TCF4: variants seen among roughly 807,000 people sequenced by gnomAD.
TCF4 encodes transcription factor 4.
In TCF4, 3 loss-of-function variants were observed where a neutral mutation model predicts 82.1. The observed-to-expected ratio is 0.04, with a 90% confidence interval of 0.02 to 0.09. The LOEUF is 0.09. Ranked by LOEUF, TCF4 falls within the 10% of genes least tolerant of loss-of-function variation. The probability of loss-of-function intolerance (pLI) is 1.00; values close to 1 mark genes in which losing one functional copy is unlikely to be tolerated. For synonymous variants in TCF4, 276 were observed against 309.6 expected, an observed-to-expected ratio of 0.89 and a Z score of 1.14; for missense variants, 518 against 852.7, an observed-to-expected ratio of 0.61 and a Z score of 4.89.
At chr18:55,365,181 ATATATATATATGTGTG>A (rs1569205129) in intron 6 of TCF4, among the ~76,000 whole-genome samples, 1 of 126,974 alleles carries the variant, frequency 7.9e-6, no homozygotes, top group East Asian at 2.2e-4. Flanking sequence ...ATATATATAT[ATATATATATATGTGTG>A]TGTGTGTGTG....
At chr18:55,255,263 T>G (rs1287539557) in intron 14 of TCF4, among the ~76,000 whole-genome samples, 2 of 152,144 alleles carry the variant, frequency 1.3e-5, no homozygotes, top group Non-Finnish European at 2.9e-5. Context: ...TCAAAACCAG[T>G]GGGTGTGTGG....
chr18:55,326,398 C>A (rs1468509087), intron 8 of TCF4, among the ~76,000 whole-genome samples: 1 of 67,600 alleles, frequency 1.5e-5, no homozygotes, highest in African/African-American at 7.0e-5. Context: ...TAAAGAGCAG[C>A]AGCAAAAAAA....
At chr18:55,613,215 A>C (rs1387145467) in intron 2 of TCF4, among the ~76,000 whole-genome samples, 1 of 151,964 alleles carries the variant, frequency 6.6e-6, no homozygotes, top group Non-Finnish European at 1.5e-5. Flanking sequence ...TGTCACCCCA[A>C]AAGCTTCCTC....
intron 3 of TCF4, among the ~76,000 whole-genome samples, chr18:55,566,472 G>A (rs868354920): frequency 6.6e-5 from 10 of 151,864 alleles, no homozygotes; most frequent in Non-Finnish European, 1.3e-4. Context: ...ATAAATACAA[G>A]AAGAACTTAA....
intron 5 of TCF4, among the ~76,000 whole-genome samples, chr18:55,432,332 T>C (rs2095227022): frequency 6.6e-6 from 1 of 152,022 alleles, no homozygotes; most frequent in African/African-American, 2.4e-5. Context: ...AATATGATAA[T>C]CTTCCTTTGC....
chr18:55,588,208 A>T (rs1603624927), upstream of TCF4: 6 of 1,306,866 alleles, frequency 4.6e-6, no homozygotes, highest in East Asian at 3.3e-5. Context: ...CACAGCCAAG[A>T]TCCCTGACTC....
chr18:55,448,745 C>G (rs1233200049), intron 5 of TCF4, among the ~76,000 whole-genome samples: 1 of 152,206 alleles, frequency 6.6e-6, no homozygotes. Flanking sequence ...TTATTCTGCT[C>G]TGTGAATATT....
chr18:55,590,263 C>A (rs938635709), upstream of TCF4, among the ~76,000 whole-genome samples: 5 of 152,208 alleles, frequency 3.3e-5, no homozygotes, highest in African/African-American at 1.2e-4. Flanking sequence ...GATTTCTCAG[C>A]GAGCCTTGGG....
At chr18:55,506,492 C>A (rs2096761509) in intron 3 of TCF4, among the ~76,000 whole-genome samples, 2 of 152,074 alleles carry the variant, frequency 1.3e-5, no homozygotes, top group Admixed American at 1.3e-4. Context: ...ACAAAATGAA[C>A]CCAAATGTCC....
At chr18:55,635,568 G>A (rs1041713685) in intron 1 of TCF4, 3 of 1,126,458 alleles carry the variant, frequency 2.7e-6, no homozygotes, top group South Asian at 1.9e-5. Context: ...GGCAGGCCAA[G>A]TGCTGTGGAG....
chr18:55,427,720 C>A (rs906516946), intron 5 of TCF4, among the ~76,000 whole-genome samples: 5 of 152,156 alleles, frequency 3.3e-5, no homozygotes, highest in Non-Finnish European at 5.9e-5. Context: ...TGAAAGTTTA[C>A]AGAAAAGGGA....
chr18:55,259,299 T>C (rs2057532271), intron 13 of TCF4, among the ~76,000 whole-genome samples: 1 of 152,128 alleles, frequency 6.6e-6, no homozygotes, highest in Non-Finnish European at 1.5e-5. Flanking sequence ...AGCATTTATA[T>C]TGGAAAGACA....
At chr18:55,368,908 A>G (rs1306046990) in intron 6 of TCF4, among the ~76,000 whole-genome samples, 1 of 152,198 alleles carries the variant, frequency 6.6e-6, no homozygotes, top group Non-Finnish European at 1.5e-5. Flanking sequence ...AAGAATTCCT[A>G]ATAGTCTTGC....
At chr18:55,534,326 C>G (rs1413187330) in intron 3 of TCF4, among the ~76,000 whole-genome samples, 1 of 152,192 alleles carries the variant, frequency 6.6e-6, no homozygotes, top group South Asian at 2.1e-4. Context: ...TGCAGAGACA[C>G]ACCATAAATG....
chr18:55,262,262 A>C (rs1318795324), intron 11 of TCF4, among the ~76,000 whole-genome samples: 4 of 152,224 alleles, frequency 2.6e-5, no homozygotes, highest in African/African-American at 9.6e-5. Context: ...AGTATTGTGA[A>C]TAATAAAAGA....
chr18:55,351,472 A>G (rs965466554), intron 6 of TCF4, among the ~76,000 whole-genome samples: 1 of 152,024 alleles, frequency 6.6e-6, no homozygotes, highest in Non-Finnish European at 1.5e-5. Flanking sequence ...TCTGTACCGC[A>G]TATCATGATT....
intron 15 of TCF4, among the ~76,000 whole-genome samples, chr18:55,252,625 T>G (rs1248826000): frequency 6.6e-6 from 1 of 152,158 alleles, no homozygotes; most frequent in Non-Finnish European, 1.5e-5. Flanking sequence ...AAGAACCACT[T>G]AACCTACATA....
rs1390785982 is a variant in TCF4 at position 55,621,662 on chromosome 18, CATTATAT to C, written c.286+9629_286+9635del. ...TATATAATATACATTATATAATATA[CATTATAT>C]AATATACATTATATATTATATTATA... On this transcript the variant is annotated intron_variant, in intron 2 of 20. Transcript: ENST00000398339. Among the ~76,000 whole-genome samples, 23 of 44,580 alleles carry C rather than the reference CATTATAT, an allele frequency of 5.2e-4. 1 individual carries two copies. Among genetic ancestry groups the C allele is most frequent in the African/African-American group, 1.4e-3 (19 of 13,944 alleles). The allele number at this position is 44,580 out of a possible 152,430, so 29.2% of individuals were successfully genotyped here.
intron 11 of TCF4, chr18:55,269,022 C>T (rs1260679821): frequency 1.3e-5 from 2 of 152,298 alleles, no homozygotes; most frequent in Non-Finnish European, 2.9e-5. Flanking sequence ...TATCTCCCCA[C>T]CAACTCCACC....
Sources: allele counts gnomAD v4.1 joint callset (sites outside exome capture counted in the v4.1 genomes callset), GRCh38; gene constraint gnomAD v4.1.1; transcripts MANE v1.5; gene names NCBI Gene and HGNC (gene_info 2026-07-23, HGNC 2026-07-21).